Variants in CWF19L2 observed in about 807,000 individuals in gnomAD.
CWF19L2 encodes the protein CWF19 like cell cycle control factor 2, also known as CWF19-like protein 2.
CWF19L2 carries 98 observed loss-of-function variants against 111.7 expected under a neutral mutation model. That is an observed-to-expected ratio of 0.88 (90% confidence interval 0.75 to 1.04). The LOEUF (loss-of-function observed/expected upper bound fraction) is 1.04. Ranked by LOEUF, CWF19L2 falls within the 50% of genes least tolerant of loss-of-function variation. The pLI, the probability that CWF19L2 is intolerant of heterozygous loss-of-function variation, is 0.00. For synonymous variants in CWF19L2, 351 were observed against 342.9 expected, an observed-to-expected ratio of 1.02 and a Z score of -0.26; for missense variants, 1,101 against 1,051.4, an observed-to-expected ratio of 1.05 and a Z score of -0.65.
At chr11:107,418,607 C>T (rs971180245) in intron 8 of CWF19L2, among the ~76,000 whole-genome samples, 4 of 152,062 alleles carry the variant, frequency 2.6e-5, no homozygotes, top group Non-Finnish European at 5.9e-5. Context: ...AAAAAACGTT[C>T]GAACCAGGCC....
rs115774452 is a variant in CWF19L2, at chr11:107,423,609, A to T, written c.1433+5190T>A. On this transcript the variant is annotated intron_variant, in intron 8 of 17. Transcript: ENST00000282251. ...TCATCTCAACATCGGCCAACTAAGA[A>T]ACCAAAGAACCAAAGAAAGGTTCTT... Among the ~76,000 whole-genome samples the T allele has an allele frequency of 2.8e-3, 424 of 152,072 alleles. 3 individuals carry two copies. The highest frequency in any genetic ancestry group is 9.8e-3 in the African/African-American group (405 of 41,538).
intron 12 of CWF19L2, among the ~76,000 whole-genome samples, chr11:107,355,080 G>A (rs544687298): frequency 2.6e-5 from 4 of 152,192 alleles, no homozygotes; most frequent in Admixed American, 1.3e-4. Context: ...TAAGTGTAAT[G>A]TAAATTACTT....
intron 8 of CWF19L2, among the ~76,000 whole-genome samples, chr11:107,421,283 G>C (rs1861299516): frequency 6.6e-6 from 1 of 151,848 alleles, no homozygotes; most frequent in Non-Finnish European, 1.5e-5. Flanking sequence ...GAAATTCATA[G>C]CACTAAATAT....
At chr11:107,417,189 G>A (rs1465054606) in intron 9 of CWF19L2, among the ~76,000 whole-genome samples, 1 of 152,312 alleles carries the variant, frequency 6.6e-6, no homozygotes, top group Non-Finnish European at 1.5e-5. Flanking sequence ...TGAGATGAGT[G>A]CATACATATG....
At chr11:107,427,848 C>T (rs1861402553) in intron 8 of CWF19L2, among the ~76,000 whole-genome samples, 1 of 151,880 alleles carries the variant, frequency 6.6e-6, no homozygotes, top group Non-Finnish European at 1.5e-5. Flanking sequence ...GGGGCTTAAT[C>T]ACTCAGTTCA....
chr11:107,431,804 T>A (rs988265435), intron 7 of CWF19L2, among the ~76,000 whole-genome samples: 14 of 152,056 alleles, frequency 9.2e-5, no homozygotes, highest in African/African-American at 3.4e-4. Flanking sequence ...AACAGACCCA[T>A]GTATATGAGA....
At chr11:107,380,483 C>T (rs1179186565) in intron 12 of CWF19L2, among the ~76,000 whole-genome samples, 3 of 152,110 alleles carry the variant, frequency 2.0e-5, no homozygotes, top group Non-Finnish European at 4.4e-5. Context: ...TAAAATCTCA[C>T]CAGGGTCAAG....
intron 12 of CWF19L2, among the ~76,000 whole-genome samples, chr11:107,360,099 C>T (rs539738782): frequency 6.6e-6 from 1 of 152,326 alleles, no homozygotes; most frequent in East Asian, 1.9e-4. Context: ...TTCTCATCAT[C>T]TGTCCTCCTC....
intron 14 of CWF19L2, among the ~76,000 whole-genome samples, chr11:107,341,061 T>C (rs2134531696): frequency 6.6e-6 from 1 of 152,336 alleles, no homozygotes; most frequent in South Asian, 2.1e-4. Context: ...CAACCAAAGT[T>C]GAACAAAGCA....
chr11:107,403,911 G>A lies in CWF19L2; in HGVS notation c.1618-11016C>T, dbSNP rs1188627293. 4.9e-6 allele frequency: 4 copies of A among 819,174 alleles called. No homozygotes were observed. The African/African-American group carries it at 5.1e-5, about 10-fold the overall frequency. The allele number at this position is 819,174 out of a possible 1,614,324, so 50.7% of individuals were successfully genotyped here. On this transcript the variant is annotated intron_variant, in intron 10 of 17. Transcript: ENST00000282251. Reference sequence around the variant, plus strand: ...AGAAGTTCAGCTTCTAGTTTTCACTGAGGAACCATTAAGGACTGGACCTGT... The same window carrying A: ...AGAAGTTCAGCTTCTAGTTTTCACTAAGGAACCATTAAGGACTGGACCTGT...
intron 12 of CWF19L2, among the ~76,000 whole-genome samples, chr11:107,386,056 A>T (rs995816743): frequency 6.6e-6 from 1 of 152,220 alleles, no homozygotes; most frequent in Non-Finnish European, 1.5e-5. Context: ...ATAGGAAAAA[A>T]CATAGCATAT....
At chr11:107,456,770 T>C (rs996893130) in intron 1 of CWF19L2, among the ~76,000 whole-genome samples, 1 of 152,078 alleles carries the variant, frequency 6.6e-6, no homozygotes, top group Non-Finnish European at 1.5e-5. Context: ...AATGGTTATA[T>C]ACCAAACAGA....
intron 14 of CWF19L2, among the ~76,000 whole-genome samples, chr11:107,343,553 CTTT>C (rs1488215722): frequency 6.6e-6 from 1 of 151,960 alleles, no homozygotes; most frequent in East Asian, 1.9e-4. Context: ...ACCAAACTAT[CTTT>C]TAACTGATAT....
chr11:107,434,458 T>A (rs1861512223), intron 6 of CWF19L2, among the ~76,000 whole-genome samples: 1 of 151,970 alleles, frequency 6.6e-6, no homozygotes, highest in Non-Finnish European at 1.5e-5. Flanking sequence ...GTTCCTGATT[T>A]TCCTTGCCCC....
At chr11:107,436,163 CAAA>C (rs11413713) in intron 6 of CWF19L2, among the ~76,000 whole-genome samples, 1 of 113,084 alleles carries the variant, frequency 8.8e-6, no homozygotes. Flanking sequence ...CCCCCCGACC[CAAA>C]AAAAAAAAAA....
At chr11:107,449,197 T>G (rs1235734943) in intron 3 of CWF19L2, among the ~76,000 whole-genome samples, 2 of 148,838 alleles carry the variant, frequency 1.3e-5, no homozygotes, top group African/African-American at 2.5e-5. Context: ...GCCAAGTATC[T>G]GAAAAATGAA....
intron 12 of CWF19L2, among the ~76,000 whole-genome samples, chr11:107,354,816 C>G (rs1033656855): frequency 1.3e-5 from 2 of 152,212 alleles, no homozygotes; most frequent in Non-Finnish European, 2.9e-5. Flanking sequence ...TATTTCCTGA[C>G]AGGCTGTCTC....
In CWF19L2 at chr11:107,441,629, A is replaced by G; in HGVS notation, c.451-7T>C. 6.6e-7 allele frequency: 1 copy of G among 1,512,832 alleles called. No individual in the cohort carries two copies. The highest frequency in any genetic ancestry group is 8.8e-7 in the Non-Finnish European group (1 of 1,134,916). The allele number at this position is 1,512,832 out of a possible 1,614,324, so 93.7% of individuals were successfully genotyped here. A position where few individuals can be genotyped will look rare whatever the true frequency, so the allele number is the denominator to read the frequency against. Reference sequence around the variant, plus strand: ...CAGTCATCCACTCATCCCTCTGTTAAAAAAAAAGACATAAAATCAACAGTC... The same window carrying G: ...CAGTCATCCACTCATCCCTCTGTTAGAAAAAAAGACATAAAATCAACAGTC... On this transcript the variant is annotated splice_polypyrimidine_tract_variant and splice_region_variant and intron_variant, in intron 4 of 17. Coordinates refer to ENST00000282251, the MANE Select transcript of CWF19L2 (RefSeq NM_152434.3).
intron 3 of CWF19L2, among the ~76,000 whole-genome samples, chr11:107,451,004 T>A (rs1438979413): frequency 4.6e-5 from 7 of 152,188 alleles, no homozygotes; most frequent in African/African-American, 1.7e-4. Flanking sequence ...TTTCCCTAAT[T>A]GACATTTATA....
Sources: allele counts gnomAD v4.1 joint callset (sites outside exome capture counted in the v4.1 genomes callset), GRCh38; gene constraint gnomAD v4.1.1; transcripts MANE v1.5; gene names NCBI Gene and HGNC (gene_info 2026-07-23, HGNC 2026-07-21).